The following CARMIL1 variants were observed in gnomAD, a reference collection of about 807,000 sequenced individuals.
The protein encoded by CARMIL1 is F-actin-uncapping protein LRRC16A.
Under a neutral mutation model 177.1 loss-of-function variants are expected in CARMIL1, and 90 were observed. The ratio of observed to expected loss-of-function variants is 0.51; its 90% CI spans 0.43 to 0.61. The LOEUF (loss-of-function observed/expected upper bound fraction) is 0.61. CARMIL1 is among the 20% of genes least tolerant of loss of function. The pLI, the probability that CARMIL1 is intolerant of heterozygous loss-of-function variation, is 0.00. For missense variants in CARMIL1, 1,380 were observed against 1,667.0 expected (o/e 0.83, Z 3.00); for synonymous variants, 577 against 606.2 (o/e 0.95, Z 0.71).
At chr6:25,428,576 T>C (rs1796469297) in intron 4 of CARMIL1, among the ~76,000 whole-genome samples, 1 of 152,230 alleles carries the variant, frequency 6.6e-6, no homozygotes, top group Non-Finnish European at 1.5e-5. Flanking sequence ...GCTGGAATTT[T>C]GGCTGATATT....
chr6:25,315,535 C>T (rs9356974), intron 2 of CARMIL1, among the ~76,000 whole-genome samples: 31,632 of 152,164 alleles, frequency 0.21, 4,231 homozygotes, highest in East Asian at 0.4. Context: ...TCCTCCATAC[C>T]GCTGCCTGCT....
chr6:25,288,005 G>A (rs1781649336), intron 2 of CARMIL1, among the ~76,000 whole-genome samples: 1 of 152,194 alleles, frequency 6.6e-6, no homozygotes, highest in South Asian at 2.1e-4. Flanking sequence ...AGTCTAGTTG[G>A]GGAGGTAAAC....
rs369673618 is a variant in CARMIL1, at chr6:25,310,933, C to T, written c.138+26024C>T. Among the ~76,000 whole-genome samples the T allele has an allele frequency of 9.4e-4, 143 of 152,088 alleles. 1 individual carries two copies. Among genetic ancestry groups the T allele is most frequent in the African/African-American group, 2.8e-3 (118 of 41,476 alleles). On this transcript the variant is annotated intron_variant, in intron 2 of 36. Coordinates refer to ENST00000329474, the MANE Select transcript of CARMIL1 (RefSeq NM_017640.6). ...TCTATAAAACATGGTGGGTTGAGGC[C>T]GGGTGCGGTGGCCAAGGTGGGTGGA...
intron 2 of CARMIL1, among the ~76,000 whole-genome samples, chr6:25,355,979 C>A (rs1332059713): frequency 1.3e-5 from 2 of 152,040 alleles, no homozygotes; most frequent in African/African-American, 4.8e-5. Context: ...TACACTCCTC[C>A]TGCAAAATGC....
At chr6:25,482,844 T>C (rs1296258625) in intron 12 of CARMIL1, among the ~76,000 whole-genome samples, 1 of 142,312 alleles carries the variant, frequency 7.0e-6, no homozygotes, top group African/African-American at 2.6e-5. Context: ...ATTTTTTCCA[T>C]CAAATCCTGT....
chr6:25,461,491 G>A (rs1800116604), intron 8 of CARMIL1, among the ~76,000 whole-genome samples: 1 of 152,186 alleles, frequency 6.6e-6, no homozygotes, highest in Admixed American at 6.5e-5. Context: ...TGGGTTCCAT[G>A]GGTGAGCTTT....
chr6:25,286,587 A>G (rs893010825), intron 2 of CARMIL1, among the ~76,000 whole-genome samples: 13 of 152,212 alleles, frequency 8.5e-5, no homozygotes, highest in African/African-American at 3.1e-4. Context: ...TAGTGTAGAG[A>G]AGAAATATTG....
At chr6:25,499,016 G>A (rs550835105) in intron 16 of CARMIL1, among the ~76,000 whole-genome samples, 3 of 152,172 alleles carry the variant, frequency 2.0e-5, no homozygotes, top group Non-Finnish European at 4.4e-5. Context: ...AGTGGGAGGA[G>A]GGGGGTTTTC....
intron 2 of CARMIL1, among the ~76,000 whole-genome samples, chr6:25,356,115 T>G (rs534339666): frequency 0.015 from 2,248 of 151,036 alleles, 26 homozygotes; most frequent in Non-Finnish European, 0.024. Context: ...CGGACTGCAG[T>G]GGCACAATCT....
At chr6:25,411,315 T>C (rs1794888077) in intron 2 of CARMIL1, among the ~76,000 whole-genome samples, 1 of 152,178 alleles carries the variant, frequency 6.6e-6, no homozygotes, top group Admixed American at 6.5e-5. Flanking sequence ...AGCTGGATAC[T>C]TCACTCATCT....
At position 25,352,143 on chromosome 6, in the gene CARMIL1, T is replaced by G. The variant is rs1269252408; in HGVS notation, c.138+67234T>G. Reference sequence around the variant, plus strand: ...TCTCACAGAAGTTGAAAACATGTATTGGATACAGTAAAAAAAAAAAAAAAA... The same window carrying G: ...TCTCACAGAAGTTGAAAACATGTATGGGATACAGTAAAAAAAAAAAAAAAA... On this transcript the variant is annotated intron_variant, in intron 2 of 36. Transcript: ENST00000329474. 4.1e-5 allele frequency among the ~76,000 whole-genome samples: 4 copies of G among 98,472 alleles called. No individual in the cohort carries two copies. In the East Asian group the frequency reaches 1.1e-3, roughly 26 times the overall value. The allele number at this position is 98,472 out of a possible 152,430, so 64.6% of individuals were successfully genotyped here. A position where few individuals can be genotyped will look rare whatever the true frequency, so the allele number is the denominator to read the frequency against.
Position 25,515,816 on chromosome 6 carries a change from G to C in CARMIL1, c.1774G>C (p.Ala592Pro), listed in dbSNP as rs928392345. The C allele has an allele frequency of 1.2e-6, 2 of 1,609,596 alleles. No homozygotes were observed. The highest frequency in any genetic ancestry group is 1.7e-6 in the Non-Finnish European group (2 of 1,178,224). The change falls in exon 21 of 37, where the codon GCC becomes CCC. Residue 592 changes from alanine (A) to proline (P), a missense_variant. Ala to Pro is a conservative substitution (Grantham distance 27, BLOSUM62 -1). Transcript: ENST00000329474. This position sits in a 1 kb window ranked among gnomAD's most constrained non-coding sequence, Gnocchi z 5.0. ...GGGGGACATGGGAGCGAAGATGCTG[G>C]CCAAAGCACTGCAGATCAACACTAA... The part of the protein sequence containing the change: ...GMGDMGAKML[A>P]KALQINTKLR...
Position 25,517,487 on chromosome 6 carries a change from G to A in CARMIL1, c.1874+72G>A, listed in dbSNP as rs538432135. 49 of 1,180,060 alleles carry A rather than the reference G, an allele frequency of 4.2e-5. No homozygotes were observed. In the South Asian group the frequency reaches 5.6e-4, roughly 13 times the overall value. 73.1% of individuals were successfully genotyped at this position (1,180,060 alleles called of 1,614,324 possible). A position where few individuals can be genotyped will look rare whatever the true frequency, so the allele number is the denominator to read the frequency against. Reference sequence around the variant, plus strand: ...ACCAATGGTATATATGTTACCTGTTGGGTAATAGAATCAACTGTTTATTGG... The same window carrying A: ...ACCAATGGTATATATGTTACCTGTTAGGTAATAGAATCAACTGTTTATTGG... On this transcript the variant is annotated intron_variant, in intron 22 of 36. Transcript: ENST00000329474.
chr6:25,574,210 G>C (rs985579310), intron 29 of CARMIL1, among the ~76,000 whole-genome samples: 1 of 152,036 alleles, frequency 6.6e-6, no homozygotes, highest in Non-Finnish European at 1.5e-5. Context: ...CCAGATAATC[G>C]GTCAATACCA....
At chr6:25,531,697 T>C (rs17491869) in intron 24 of CARMIL1, among the ~76,000 whole-genome samples, 20,622 of 152,298 alleles carry the variant, frequency 0.14, 1,798 homozygotes, top group South Asian at 0.19. Flanking sequence ...TATTTTATGG[T>C]TTACTATTAT....
At chr6:25,537,616 T>G (rs752276228) in intron 24 of CARMIL1, among the ~76,000 whole-genome samples, 3 of 152,234 alleles carry the variant, frequency 2.0e-5, no homozygotes, top group Non-Finnish European at 4.4e-5. Context: ...GGAACTGAAA[T>G]GCCTTCAATT....
chr6:25,292,180 G>A (rs1052964925), intron 2 of CARMIL1, among the ~76,000 whole-genome samples: 1 of 152,206 alleles, frequency 6.6e-6, no homozygotes, highest in African/African-American at 2.4e-5. Context: ...AGACGCTCTT[G>A]TACCAGTTGT....
At chr6:25,568,322 G>A (rs183743345) in intron 29 of CARMIL1, among the ~76,000 whole-genome samples, 97 of 152,306 alleles carry the variant, frequency 6.4e-4, no homozygotes, top group African/African-American at 2.3e-3. Context: ...AGGTAAAGTG[G>A]GGTGAACAGA....
chr6:25,311,107 A>T (rs1040524736), intron 2 of CARMIL1, among the ~76,000 whole-genome samples: 2 of 152,064 alleles, frequency 1.3e-5, no homozygotes, highest in Non-Finnish European at 2.9e-5. Flanking sequence ...GCTTGAACCC[A>T]GGAGGCGGAG....
Sources: gnomAD v4.1 joint callset for allele counts (sites outside exome capture counted in the v4.1 genomes callset) on GRCh38, gnomAD v4.1.1 for gene constraint, Gnocchi (gnomAD v3.1) non-coding constraint, MANE v1.5 for transcripts, NCBI Gene and HGNC (gene_info 2026-07-23, HGNC 2026-07-21) for gene names.